Variants in TRIP12 observed in about 807,000 individuals in gnomAD.
TRIP12 encodes thyroid hormone receptor interactor 12.
TRIP12 carries 25 observed loss-of-function variants against 244.2 expected under a neutral mutation model. That is an observed-to-expected ratio of 0.10 (90% CI 0.07 to 0.14). TRIP12 has a LOEUF of 0.14. Ranked by LOEUF, TRIP12 falls within the 10% of genes least tolerant of loss-of-function variation. TRIP12 has a pLI of 1.00. For synonymous variants in TRIP12, 905 were observed against 873.1 expected (o/e 1.04, Z -0.64); for missense variants, 1,677 against 2,486.4 (o/e 0.67, Z 6.92).
chr2:229,771,706 C>G, intron 38 of TRIP12, 74 bp from the exon 39 acceptor site: 1 of 1,023,810 alleles, frequency 9.8e-7, no homozygotes, highest in Middle Eastern at 2.1e-4. Flanking sequence ...TGGCAAAGTA[C>G]AGTGAAACAC....
chr2:229,795,174 C>T lies in TRIP12; in HGVS notation c.3968+5G>A. 6.2e-7 allele frequency: 1 copy of T among 1,613,134 alleles called. No individual in the cohort carries two copies. The highest frequency in any genetic ancestry group is 8.5e-7 in the Non-Finnish European group (1 of 1,179,528). ...GCAAGGGTATAGCCAGGCAATGGTC[C>T]TTACCTGCCTCCTGTCCCATTTCCA... On this transcript the variant is annotated splice_donor_5th_base_variant and intron_variant, in intron 26 of 41. Transcript: ENST00000675903.
At chr2:229,863,238 A>G (rs1019390023) in intron 2 of TRIP12, among the ~76,000 whole-genome samples, 34 of 151,902 alleles carry the variant, frequency 2.2e-4, no homozygotes, top group Non-Finnish European at 4.4e-4. Flanking sequence ...CGAAAAAAAA[A>G]AAAGAAAGAA....
At chr2:229,875,488 T>G (rs1452396087) in intron 2 of TRIP12, among the ~76,000 whole-genome samples, 2 of 152,122 alleles carry the variant, frequency 1.3e-5, no homozygotes, top group African/African-American at 4.8e-5. Flanking sequence ...CTTCTAACAC[T>G]CCCTCATCAT....
intron 4 of TRIP12, among the ~76,000 whole-genome samples, chr2:229,849,438 G>C (rs112651623): frequency 3.3e-5 from 5 of 151,888 alleles, no homozygotes; most frequent in African/African-American, 9.7e-5. Context: ...ACACAACAGG[G>C]ATCAAACACT....
At chr2:229,921,577 AG>A (rs952922859) in intron 1 of TRIP12, 2 of 151,644 alleles carry the variant, frequency 1.3e-5, no homozygotes, top group African/African-American at 4.8e-5. Context: ...GGTTCTGTGA[AG>A]GGCCCTCCTC....
chr2:229,903,517 A>C (rs991338120), intron 1 of TRIP12, among the ~76,000 whole-genome samples: 3 of 152,074 alleles, frequency 2.0e-5, no homozygotes, highest in African/African-American at 4.8e-5. Flanking sequence ...AGAAGGCAAG[A>C]AAAGCAGGAG....
At chr2:229,776,645 G>C (rs888352525) in intron 37 of TRIP12, among the ~76,000 whole-genome samples, 2 of 152,162 alleles carry the variant, frequency 1.3e-5, no homozygotes, top group East Asian at 3.8e-4. Flanking sequence ...TAAAATGAGA[G>C]TTGATTAATA....
chr2:229,884,679 A>C (rs895990780), intron 1 of TRIP12, among the ~76,000 whole-genome samples: 6 of 152,196 alleles, frequency 3.9e-5, no homozygotes, highest in South Asian at 2.1e-4. Flanking sequence ...CACCTGCAAA[A>C]AAATAAAGCC....
chr2:229,807,893 T>C (rs772374233), intron 16 of TRIP12, 29 bp from the exon 17 acceptor site: 23 of 1,592,150 alleles, frequency 1.4e-5, no homozygotes, highest in South Asian at 2.2e-5. Flanking sequence ...ATAATTTTAG[T>C]AACTTTATGA....
chr2:229,864,619 A>G (rs1181698328), intron 2 of TRIP12, among the ~76,000 whole-genome samples: 1 of 149,972 alleles, frequency 6.7e-6, no homozygotes, highest in Non-Finnish European at 1.5e-5. Context: ...CTTCCTCTTT[A>G]ATTGAAAGGT....
rs145654049 is a variant in TRIP12, at chr2:229,838,563, G to C, written c.1134-1579C>G. Among the ~76,000 whole-genome samples, 703 of 152,320 alleles carry C rather than the reference G, an allele frequency of 4.6e-3. 7 individuals are homozygous for C. The highest frequency in any genetic ancestry group is 0.016 in the African/African-American group (677 of 41,566). On this transcript the variant is annotated intron_variant, in intron 5 of 41. Transcript: ENST00000675903. ...TTGAGTAGAAGGAGAGACGGTTGCAGAGAACAGCAGGGCAAGCAAGACAAT... is the reference window on the plus strand; with the variant it reads ...TTGAGTAGAAGGAGAGACGGTTGCACAGAACAGCAGGGCAAGCAAGACAAT...
At chr2:229,779,043 T>C (rs2037216071) in intron 34 of TRIP12, 53 bp from the exon 35 acceptor site, 4 of 1,456,698 alleles carry the variant, frequency 2.7e-6, no homozygotes, top group African/African-American at 1.4e-5. Context: ...TGTGTTTTTT[T>C]ACTGCCAACC....
rs748601787 is a variant in TRIP12 at position 229,813,899 on chromosome 2, G to A, written c.1957C>T (p.Pro653Ser). Residue 653 changes from proline (P) to serine (S), a missense_variant, in exon 13 of 42, where the codon CCA becomes TCA. By Grantham distance (74) the Pro-to-Ser change is moderately conservative. Coordinates refer to ENST00000675903, the MANE Select transcript of TRIP12 (RefSeq NM_001348323.3). The stretch of plus-strand genomic sequence containing the variant: ...TGTGTTAGCCTTTGGGTTAGCAATG[G>A]GAGTGAATCTGCCACAAAATGAAAT... ...DEFHFVADSL[P>S]LLTQRLTHQD... 1 of 1,574,456 alleles carries A rather than the reference G, an allele frequency of 6.4e-7. No individual in the cohort carries two copies. Among genetic ancestry groups the A allele is most frequent in the African/African-American group, 1.3e-5 (1 of 74,602 alleles).
intron 1 of TRIP12, among the ~76,000 whole-genome samples, chr2:229,913,906 T>C (rs369450992): frequency 3.9e-5 from 6 of 152,204 alleles, no homozygotes; most frequent in South Asian, 4.1e-4. Context: ...AGAAGGAGAA[T>C]AGGAGAGTAA....
chr2:229,890,696 T>C (rs914931111), intron 1 of TRIP12, among the ~76,000 whole-genome samples: 6 of 152,316 alleles, frequency 3.9e-5, no homozygotes, highest in Non-Finnish European at 7.3e-5. Context: ...TTTAAGATCA[T>C]GCATTTCAGA....
intron 2 of TRIP12, among the ~76,000 whole-genome samples, chr2:229,871,769 A>G (rs972451499): frequency 6.6e-6 from 1 of 152,226 alleles, no homozygotes; most frequent in Non-Finnish European, 1.5e-5. Flanking sequence ...TTAATAAGGA[A>G]AATCAATAAT....
At chr2:229,910,957 G>C (rs2074154763) in intron 1 of TRIP12, among the ~76,000 whole-genome samples, 1 of 152,152 alleles carries the variant, frequency 6.6e-6, no homozygotes, top group Admixed American at 6.5e-5. Flanking sequence ...CCATCTACTG[G>C]GGGAAGGGCA....
Position 229,894,970 on chromosome 2 carries a change from G to C in TRIP12, c.-49-14842C>G, listed in dbSNP as rs73998706. On this transcript the variant is annotated intron_variant, in intron 1 of 41. Transcript: ENST00000675903. The stretch of plus-strand genomic sequence containing the variant: ...TTAGAGAAAGGCACCTTTAGGCCTC[G>C]GAAAATGCTACACATAATCTAAGGA... 7.2e-3 allele frequency among the ~76,000 whole-genome samples: 1,090 copies of C among 152,186 alleles called. 15 individuals carry two copies. Among genetic ancestry groups the C allele is most frequent in the African/African-American group, 0.025 (1,024 of 41,514 alleles).
chr2:229,842,965 G>A (rs2056803477), intron 4 of TRIP12, among the ~76,000 whole-genome samples: 1 of 151,930 alleles, frequency 6.6e-6, no homozygotes, highest in South Asian at 2.1e-4. Flanking sequence ...CATATAACCA[G>A]CATCACCATT....
Sources: gnomAD v4.1 joint callset for allele counts (sites outside exome capture counted in the v4.1 genomes callset) on GRCh38, gnomAD v4.1.1 for gene constraint, MANE v1.5 for transcripts, NCBI Gene and HGNC (gene_info 2026-07-23, HGNC 2026-07-21) for gene names.